The following NDUFB3 variants were observed in gnomAD, a reference collection of about 807,000 sequenced individuals.
NDUFB3 encodes NADH dehydrogenase [ubiquinone] 1 beta subcomplex subunit 3.
A neutral mutation model predicts 9.0 loss-of-function variants in NDUFB3; 7 were observed. The ratio of observed to expected loss-of-function variants is 0.78; its 90% confidence interval spans 0.44 to 1.46. The LOEUF is 1.46. NDUFB3 is among the 40% of genes most tolerant of loss of function. The pLI, the probability that NDUFB3 is intolerant of heterozygous loss-of-function variation, is 0.01. For synonymous variants in NDUFB3, 29 were observed against 38.5 expected, an observed-to-expected ratio of 0.75 and a Z score of 0.91; for missense variants, 93 against 115.4, an observed-to-expected ratio of 0.81 and a Z score of 0.89.
At chr2:201,083,346 T>G (rs918040767) in intron 2 of NDUFB3, among the ~76,000 whole-genome samples, 18 of 148,288 alleles carry the variant, frequency 1.2e-4, no homozygotes, top group Non-Finnish European at 1.9e-4. Flanking sequence ...CATTGTTTAT[T>G]ATTTCTTTTT....
chr2:201,084,641 C>T lies in NDUFB3; in HGVS notation c.141-818C>T, dbSNP rs184020213. 1.2e-3 allele frequency among the ~76,000 whole-genome samples: 184 copies of T among 152,092 alleles called. 1 individual carries two copies. Among genetic ancestry groups the T allele is most frequent in the African/African-American group, 4.1e-3 (169 of 41,494 alleles). On this transcript the variant is annotated intron_variant, in intron 2 of 2. Coordinates refer to ENST00000237889, the MANE Select transcript of NDUFB3 (RefSeq NM_002491.3). ...GACAGAGCAAGACTCCATCCGCCCC[C>T]GCCAAAAAAAGAATATTTGCATCTA...
chr2:201,082,350 T>C (rs2047236343), intron 2 of NDUFB3, among the ~76,000 whole-genome samples: 1 of 151,426 alleles, frequency 6.6e-6, no homozygotes, highest in Admixed American at 6.6e-5. Context: ...TTGCAGCCTC[T>C]ACCTCGTGGG....
chr2:201,074,947 G>T (rs1191803330), intron 1 of NDUFB3, among the ~76,000 whole-genome samples: 1 of 152,056 alleles, frequency 6.6e-6, no homozygotes, highest in Non-Finnish European at 1.5e-5. Context: ...ATTTGCCTTG[G>T]ATTTTACTTT....
At chr2:201,077,913 C>T (rs2047182019) in intron 1 of NDUFB3, among the ~76,000 whole-genome samples, 1 of 152,128 alleles carries the variant, frequency 6.6e-6, no homozygotes, top group South Asian at 2.1e-4. Context: ...AAAGAATCAT[C>T]TAAAGAAAAT....
At position 201,079,027 on chromosome 2, in the gene NDUFB3, G is replaced by C; in HGVS notation, c.140+5G>C. The stretch of plus-strand genomic sequence containing the variant: ...GCTAAGGGATCCATGGGGCCGGTAA[G>C]ATGAATTAAGTAATTTAGATAGAAT... On this transcript the variant is annotated splice_donor_5th_base_variant and intron_variant, in intron 2 of 2. Coordinates refer to ENST00000237889, the MANE Select transcript of NDUFB3 (RefSeq NM_002491.3). 2 of 1,605,426 alleles carry C rather than the reference G, an allele frequency of 1.2e-6. No homozygotes were observed. Among genetic ancestry groups the C allele is most frequent in the Non-Finnish European group, 1.7e-6 (2 of 1,177,836 alleles).
intron 1 of NDUFB3, among the ~76,000 whole-genome samples, chr2:201,077,431 C>T (rs1246387580): frequency 6.6e-6 from 1 of 151,964 alleles, no homozygotes; most frequent in Non-Finnish European, 1.5e-5. Flanking sequence ...CCATTGAGGA[C>T]ATGTTTTAAT....
intron 1 of NDUFB3, among the ~76,000 whole-genome samples, chr2:201,076,048 A>G (rs1323791013): frequency 1.3e-5 from 2 of 152,218 alleles, no homozygotes; most frequent in African/African-American, 4.8e-5. Context: ...TAATAAATGT[A>G]TTCAGTCTCA....
chr2:201,081,742 G>A (rs928869030), intron 2 of NDUFB3, among the ~76,000 whole-genome samples: 1 of 151,608 alleles, frequency 6.6e-6, no homozygotes, highest in Non-Finnish European at 1.5e-5. Context: ...TCTGCCTCCT[G>A]GGTTTAAGCA....
At chr2:201,081,207 G>A (rs578077068) in intron 2 of NDUFB3, among the ~76,000 whole-genome samples, 1 of 152,094 alleles carries the variant, frequency 6.6e-6, no homozygotes, top group Admixed American at 6.5e-5. Context: ...TTAGGGGCCA[G>A]GCATGGTGGC....
chr2:201,073,941 T>A (rs2125530200), intron 1 of NDUFB3, among the ~76,000 whole-genome samples: 1 of 152,158 alleles, frequency 6.6e-6, no homozygotes, highest in Non-Finnish European at 1.5e-5. Flanking sequence ...AAAGACACTT[T>A]TATTTATTTA....
chr2:201,085,519 C>A lies in NDUFB3; in HGVS notation c.201C>A (p.Phe67Leu), dbSNP rs764285844. 3 of 1,610,002 alleles carry A rather than the reference C, an allele frequency of 1.9e-6. No individual in the cohort carries two copies. Among genetic ancestry groups the A allele is most frequent in the Non-Finnish European group, 2.5e-6 (3 of 1,178,084 alleles). Residue 67 changes from phenylalanine to leucine, a missense_variant, in exon 3 of 3, where the codon TTC (phenylalanine) becomes TTA (leucine). By Grantham distance (22) the Phe-to-Leu change is conservative (BLOSUM62 0). Coordinates refer to ENST00000237889, the MANE Select transcript of NDUFB3 (RefSeq NM_002491.3). ...FAKSVSFSDV[F>L]FKGFKWGFAA... ...AGAGTGTTTCCTTTTCTGATGTATT[C>A]TTTAAAGGATTCAAATGGGGATTTG...
rs879088664 is a variant in NDUFB3, at chr2:201,078,876, T to C, written c.-2-5T>C. 6.2e-7 allele frequency: 1 copy of C among 1,602,500 alleles called. No homozygotes were observed. The highest frequency in any genetic ancestry group is 8.5e-7 in the Non-Finnish European group (1 of 1,177,774). On this transcript the variant is annotated splice_polypyrimidine_tract_variant and splice_region_variant and intron_variant, in intron 1 of 2. Coordinates refer to ENST00000237889, the MANE Select transcript of NDUFB3 (RefSeq NM_002491.3). ...TTCTCACTTGTGTTAATCTTTTCCT[T>C]ACAGACATGGCCCATGAACATGGAC...
chr2:201,085,308 C>A (rs533808123), intron 2 of NDUFB3, 151 bp from the exon 3 acceptor site: 195 of 533,660 alleles, frequency 3.7e-4, no homozygotes, highest in African/African-American at 3.5e-3. Flanking sequence ...CTTAATTATC[C>A]TATGCCACAG....
intron 1 of NDUFB3, among the ~76,000 whole-genome samples, chr2:201,077,570 G>T (rs1002345845): frequency 1.3e-5 from 2 of 152,192 alleles, no homozygotes; most frequent in Non-Finnish European, 2.9e-5. Context: ...CATGAGCTAA[G>T]AATGGTTTTT....
intron 1 of NDUFB3, among the ~76,000 whole-genome samples, chr2:201,073,301 C>G (rs1327839864): frequency 6.6e-6 from 1 of 152,164 alleles, no homozygotes; most frequent in Non-Finnish European, 1.5e-5. Flanking sequence ...TGACTCACCC[C>G]TTGCTCATTA....
intron 1 of NDUFB3, among the ~76,000 whole-genome samples, chr2:201,073,612 C>T (rs2047125176): frequency 6.6e-6 from 1 of 151,890 alleles, no homozygotes; most frequent in African/African-American, 2.4e-5. Context: ...ACTAAAAGTA[C>T]AAAAAATTAG....
intron 2 of NDUFB3, among the ~76,000 whole-genome samples, 162 bp downstream of exon 2, chr2:201,079,184 T>G (rs2047197936): frequency 6.6e-6 from 1 of 152,166 alleles, no homozygotes; most frequent in Non-Finnish European, 1.5e-5. Context: ...CTTGCTGTGT[T>G]GCCAGGCTGG....
Position 201,085,482 on chromosome 2 carries a change from G to C in NDUFB3, c.164G>C (p.Gly55Ala). 1 of 1,607,150 alleles carries C rather than the reference G, an allele frequency of 6.2e-7. No homozygotes were observed. The highest frequency in any genetic ancestry group is 1.1e-5 in the South Asian group (1 of 89,502). The change falls in exon 3 of 3, where the codon GGT (glycine) becomes GCT (alanine). Residue 55 changes from glycine to alanine, a missense_variant. Transcript: ENST00000237889. ...AGCAATGAAGCTTGGAGATACATGG[G>C]TGGCTTTGCAAAGAGTGTTTCCTTT... is the stretch of plus-strand genomic sequence containing the variant. ...WGRNEAWRYM[G>A]GFAKSVSFSD...
At chr2:201,078,356 G>T (rs767829973) in intron 1 of NDUFB3, among the ~76,000 whole-genome samples, 11 of 152,082 alleles carry the variant, frequency 7.2e-5, no homozygotes, top group Non-Finnish European at 1.0e-4. Flanking sequence ...AAACTGCAAG[G>T]TTCTAATCCC....
Sources: gnomAD v4.1 joint callset for allele counts (sites outside exome capture counted in the v4.1 genomes callset) on GRCh38, gnomAD v4.1.1 for gene constraint, MANE v1.5 for transcripts, NCBI Gene and HGNC (gene_info 2026-07-23, HGNC 2026-07-21) for gene names.